The following SLCO3A1 variants were observed in gnomAD, a reference collection of about 807,000 sequenced individuals.
SLCO3A1 encodes PGE1 transporter.
In SLCO3A1, 27 loss-of-function variants were observed where a neutral mutation model predicts 63.1. The observed-to-expected ratio is 0.43, with a 90% CI of 0.32 to 0.59. The LOEUF (loss-of-function observed/expected upper bound fraction) is 0.59. SLCO3A1 is among the 20% of genes least tolerant of loss of function. The pLI, the probability that SLCO3A1 is intolerant of heterozygous loss-of-function variation, is 0.09. For synonymous variants in SLCO3A1, 473 were observed against 409.9 expected (o/e 1.15, Z -1.86); for missense variants, 773 against 945.8 (o/e 0.82, Z 2.40).
At chr15:91,890,219 C>A (rs1416637956) in intron 1 of SLCO3A1, among the ~76,000 whole-genome samples, 1 of 152,070 alleles carries the variant, frequency 6.6e-6, no homozygotes, top group African/African-American at 2.4e-5. Flanking sequence ...ACACGTATAC[C>A]CACTGTCATG....
In SLCO3A1 at chr15:92,000,757, C is replaced by T. The variant is rs370395661; in HGVS notation, c.646+84299C>T. Among the ~76,000 whole-genome samples the T allele has an allele frequency of 7.2e-5, 11 of 152,336 alleles. No individual in the cohort carries two copies. The East Asian group carries it at 7.7e-4, about 11-fold the overall frequency. ...TAGAAATCTGTCTCTTAGCAGAGAA[C>T]GTTCTCTTTAGGTCTGTCCCTGTGT... On this transcript the variant is annotated intron_variant, in intron 2 of 9. Coordinates refer to ENST00000318445, the MANE Select transcript of SLCO3A1 (RefSeq NM_013272.4).
chr15:91,937,718 C>CA (rs34049553), intron 2 of SLCO3A1, among the ~76,000 whole-genome samples: 35,457 of 112,732 alleles, frequency 0.31, 5,086 homozygotes, highest in Middle Eastern at 0.42. Context: ...GACTCCATCT[C>CA]AAAAAAAAAA....
In SLCO3A1 at chr15:92,165,372, A is replaced by G. The variant is rs1176656625; in HGVS notation, c.*2237A>G. 2 of 985,172 alleles carry G rather than the reference A, an allele frequency of 2.0e-6. No homozygotes were observed. Among genetic ancestry groups the G allele is most frequent in the Non-Finnish European group, 2.4e-6 (2 of 829,802 alleles). The allele number at this position is 985,172 out of a possible 1,614,324, so 61.0% of individuals were successfully genotyped here. A position where few individuals can be genotyped will look rare whatever the true frequency, so the allele number is the denominator to read the frequency against. ...CTAAGGCTTTGATAATATCCTGTAC[A>G]GATTTTGGTTTAGTTTTGCAAATAT... On this transcript the variant is annotated 3_prime_UTR_variant, in exon 10 of 10. Transcript: ENST00000318445.
At chr15:92,157,393 C>G (rs1178688366) in intron 9 of SLCO3A1, among the ~76,000 whole-genome samples, 4 of 151,934 alleles carry the variant, frequency 2.6e-5, no homozygotes, top group African/African-American at 7.3e-5. Flanking sequence ...TGAAGGTGCT[C>G]AAAACCAGAG....
chr15:91,924,409 A>C (rs1898945449), intron 2 of SLCO3A1, among the ~76,000 whole-genome samples: 1 of 152,216 alleles, frequency 6.6e-6, no homozygotes, highest in Admixed American at 6.5e-5. Flanking sequence ...TGTCTCGAAC[A>C]CATGGTAGCT....
intron 7 of SLCO3A1, among the ~76,000 whole-genome samples, chr15:92,130,316 T>C (rs562650864): frequency 3.1e-4 from 47 of 152,388 alleles, no homozygotes; most frequent in Admixed American, 9.1e-4. Context: ...TGCTTACCTC[T>C]GGACCTACTG....
In SLCO3A1 at chr15:91,853,739, G is replaced by T; in HGVS notation, c.-170G>T. ...GCGGCGGCGGCGGCGGCGGCGAGGA[G>T]CTGTGCCTTCCACCTCTCCAGCCCC... On this transcript the variant is annotated 5_prime_UTR_variant, in exon 1 of 10. Transcript: ENST00000318445. 2 of 626,746 alleles carry T rather than the reference G, an allele frequency of 3.2e-6. No homozygotes were observed. Among genetic ancestry groups the T allele is most frequent in the Non-Finnish European group, 4.1e-6 (2 of 490,472 alleles). 38.8% of individuals were successfully genotyped at this position (626,746 alleles called of 1,614,324 possible). A position where few individuals can be genotyped will look rare whatever the true frequency, so the allele number is the denominator to read the frequency against.
rs1312987837 is a variant in SLCO3A1, at chr15:91,880,393, C to CTGTGTGTGTGTGTGTGTGTG, written c.180+26306_180+26307insGTGTGTGTGTGTGTGTGTGT. ...CCGGCACTCGTGCTTCTCTCTCTCTCTCTCTCTCTCTCTCTCTGTGTGTGT... is the reference window on the plus strand; with the variant it reads ...CCGGCACTCGTGCTTCTCTCTCTCTCTGTGTGTGTGTGTGTGTGTGTCTCTCTCTCTCTCTCTGTGTGTGT... On this transcript the variant is annotated intron_variant, in intron 1 of 9. Coordinates refer to ENST00000318445, the MANE Select transcript of SLCO3A1 (RefSeq NM_013272.4). Among the ~76,000 whole-genome samples the CTGTGTGTGTGTGTGTGTGTG allele has an allele frequency of 2.7e-4, 12 of 44,710 alleles. No homozygotes were observed. The East Asian group carries it at 0.01, about 38-fold the overall frequency. The allele number at this position is 44,710 out of a possible 152,430, so 29.3% of individuals were successfully genotyped here. A position where few individuals can be genotyped will look rare whatever the true frequency, so the allele number is the denominator to read the frequency against.
intron 7 of SLCO3A1, among the ~76,000 whole-genome samples, chr15:92,146,514 G>A (rs2048225594): frequency 6.6e-6 from 1 of 152,170 alleles, no homozygotes; most frequent in African/African-American, 2.4e-5. Context: ...TGCAGCCTTT[G>A]TTCCAAGTGC....
intron 2 of SLCO3A1, among the ~76,000 whole-genome samples, chr15:92,046,227 A>G (rs2046860742): frequency 6.6e-6 from 1 of 152,116 alleles, no homozygotes; most frequent in South Asian, 2.1e-4. Flanking sequence ...TCAAAAAGTT[A>G]TTGTCGGCTG....
chr15:92,076,840 T>G (rs79085742), intron 2 of SLCO3A1, among the ~76,000 whole-genome samples: 3 of 152,134 alleles, frequency 2.0e-5, no homozygotes, highest in Non-Finnish European at 4.4e-5. Context: ...TTAATATGTT[T>G]TGGGAAGATG....
In SLCO3A1 at chr15:92,045,290, A is replaced by AG. The variant is rs1430261357; in HGVS notation, c.647-49591_647-49590insG. 2.6e-5 allele frequency among the ~76,000 whole-genome samples: 4 copies of AG among 151,820 alleles called. No individual in the cohort carries two copies. In the South Asian group the frequency reaches 8.3e-4, roughly 32 times the overall value. ...GCAAGACTCCATCTCAAAAAAAAAA[A>AG]AAAAAATTGTCTCTTAGAGTAACAC... On this transcript the variant is annotated intron_variant, in intron 2 of 9. Transcript: ENST00000318445.
intron 2 of SLCO3A1, among the ~76,000 whole-genome samples, chr15:92,005,173 C>T (rs549328171): frequency 2.0e-5 from 3 of 152,324 alleles, no homozygotes; most frequent in Non-Finnish European, 2.9e-5. Flanking sequence ...GAGAGATTTT[C>T]TGGGCCCAGG....
intron 2 of SLCO3A1, among the ~76,000 whole-genome samples, chr15:92,023,901 CAAGGGGCTAAGATACCTTT>C (rs2046539886): frequency 6.6e-6 from 1 of 152,068 alleles, no homozygotes; most frequent in South Asian, 2.1e-4. Context: ...AGCTCCGTCT[CAAGGGGCTAAGATACCTTT>C]TTTTCCAGCT....
intron 2 of SLCO3A1, among the ~76,000 whole-genome samples, chr15:91,993,418 T>G (rs1333606153): frequency 1.3e-5 from 2 of 152,050 alleles, no homozygotes; most frequent in Admixed American, 6.6e-5. Flanking sequence ...TGACTTAGAG[T>G]AGAAATTGAG....
intron 9 of SLCO3A1, 174 bp downstream of exon 9, chr15:92,151,188 A>G: frequency 1.7e-6 from 1 of 571,656 alleles, no homozygotes; most frequent in Non-Finnish European, 3.1e-6. Flanking sequence ...AAACTCAGAC[A>G]CTGCCTCGAT....
At chr15:91,920,304 G>A (rs556465608) in intron 2 of SLCO3A1, among the ~76,000 whole-genome samples, 116 of 152,306 alleles carry the variant, frequency 7.6e-4, no homozygotes, top group Non-Finnish European at 8.1e-4. Context: ...AGGGAGTCAG[G>A]TGCAAGCCAG....
chr15:92,104,930 T>C (rs1231502173), intron 4 of SLCO3A1, among the ~76,000 whole-genome samples: 2 of 151,822 alleles, frequency 1.3e-5, no homozygotes, highest in Non-Finnish European at 2.9e-5. Context: ...TTGCCTGATA[T>C]CAGCATTCTT....
chr15:91,997,717 C>T (rs1176842962), intron 2 of SLCO3A1, among the ~76,000 whole-genome samples: 1 of 152,168 alleles, frequency 6.6e-6, no homozygotes, highest in Non-Finnish European at 1.5e-5. Context: ...ACACCTACAG[C>T]TCTCTGATCT....
Sources: gnomAD v4.1 joint callset for allele counts (sites outside exome capture counted in the v4.1 genomes callset) on GRCh38, gnomAD v4.1.1 for gene constraint, MANE v1.5 for transcripts, NCBI Gene and HGNC (gene_info 2026-07-23, HGNC 2026-07-21) for gene names.